Variants in HEATR5A observed in about 807,000 individuals in gnomAD.
The protein encoded by HEATR5A is HEAT repeat containing 5A.
Under a neutral mutation model 218.8 loss-of-function variants are expected in HEATR5A, and 178 were observed. That is an observed-to-expected ratio of 0.81 (90% CI 0.72 to 0.92). The LOEUF (loss-of-function observed/expected upper bound fraction) is 0.92, where lower values mean the gene tolerates loss of function less well. HEATR5A is among the 40% of genes least tolerant of loss of function. The pLI is 0.00. For missense variants in HEATR5A, 2,420 were observed against 2,418.9 expected (o/e 1.00, Z -0.01); for synonymous variants, 864 against 871.6 (o/e 0.99, Z 0.15).
At chr14:31,315,561 TA>T (rs1407705998) in intron 27 of HEATR5A, among the ~76,000 whole-genome samples, 2 of 152,170 alleles carry the variant, frequency 1.3e-5, no homozygotes, top group African/African-American at 2.4e-5. Context: ...TAGCACTGCT[TA>T]AAGTAGGAGA....
intron 22 of HEATR5A, among the ~76,000 whole-genome samples, chr14:31,332,429 C>T (rs974189807): frequency 1.3e-5 from 2 of 152,162 alleles, no homozygotes; most frequent in African/African-American, 4.8e-5. Context: ...ATGAATAACA[C>T]CGCAATGGCC....
At chr14:31,318,742 C>T (rs1899992728) in intron 25 of HEATR5A, among the ~76,000 whole-genome samples, 1 of 152,206 alleles carries the variant, frequency 6.6e-6, no homozygotes, top group African/African-American at 2.4e-5. Flanking sequence ...CAACTGCCTC[C>T]TCCCAAAGTG....
chr14:31,387,491 TC>T (rs2030276508), intron 7 of HEATR5A, 116 bp from the exon 8 acceptor site: 1 of 808,378 alleles, frequency 1.2e-6, no homozygotes, highest in Non-Finnish European at 1.9e-6. Flanking sequence ...TTGTATTCTT[TC>T]CTAATTTATG....
chr14:31,412,623 C>T (rs1259771821), intron 1 of HEATR5A, among the ~76,000 whole-genome samples: 1 of 152,078 alleles, frequency 6.6e-6, no homozygotes, highest in Non-Finnish European at 1.5e-5. Flanking sequence ...GGTGCAGTGG[C>T]TCACGCCTGT....
chr14:31,396,221 T>C (rs2030648315), intron 4 of HEATR5A, among the ~76,000 whole-genome samples: 1 of 152,046 alleles, frequency 6.6e-6, no homozygotes. Flanking sequence ...TCAGGAGTGT[T>C]AGTGCACATC....
chr14:31,305,737 CTG>C (rs1288944427), intron 31 of HEATR5A, among the ~76,000 whole-genome samples: 2 of 152,182 alleles, frequency 1.3e-5, no homozygotes, highest in African/African-American at 4.8e-5. Flanking sequence ...GCTGTTAAGA[CTG>C]TAAACCTGAT....
Position 31,347,787 on chromosome 14 carries a change from A to C in HEATR5A, c.2829T>G (p.Leu943=), listed in dbSNP as rs750180069. The C allele has an allele frequency of 2.5e-6, 4 of 1,612,136 alleles. No individual in the cohort carries two copies. The highest frequency in any genetic ancestry group is 3.4e-6 in the Non-Finnish European group (4 of 1,179,164). The change falls in exon 19 of 36, where the codon CTT becomes CTG. Residue 943 remains leucine, a synonymous_variant. Coordinates refer to ENST00000543095, the MANE Select transcript of HEATR5A (RefSeq NM_015473.4). ...AAGTGCTGTCCTGCGCCAAAGTATA[A>C]AGGATTCCAATACAAGAATTTAGGT... is the stretch of plus-strand genomic sequence containing the variant. ...SQHLNSCIGI[L]YTLAQDSTSP...
chr14:31,374,377 T>C (rs1902149809), intron 12 of HEATR5A, among the ~76,000 whole-genome samples: 1 of 151,744 alleles, frequency 6.6e-6, no homozygotes, highest in South Asian at 2.1e-4. Flanking sequence ...AGTAGGATAT[T>C]AGATACATTT....
At chr14:31,329,608 C>A (rs1042369276) in intron 22 of HEATR5A, among the ~76,000 whole-genome samples, 8 of 152,202 alleles carry the variant, frequency 5.3e-5, no homozygotes, top group Non-Finnish European at 4.4e-5. Context: ...GGGTATAGCC[C>A]CCTGCCCCAC....
intron 11 of HEATR5A, among the ~76,000 whole-genome samples, chr14:31,379,318 T>G (rs1160080828): frequency 1.3e-5 from 2 of 151,782 alleles, no homozygotes; most frequent in African/African-American, 4.8e-5. Flanking sequence ...TGGTGCAATC[T>G]CACTTCACTG....
At chr14:31,400,539 A>G in intron 2 of HEATR5A, 27 bp from the exon 3 acceptor site, 2 of 1,398,328 alleles carry the variant, frequency 1.4e-6, no homozygotes, top group Middle Eastern at 1.8e-4. Context: ...CACAAAGACA[A>G]TTCAAAGTCA....
At chr14:31,403,391 TG>T (rs767498343) in intron 1 of HEATR5A, among the ~76,000 whole-genome samples, 2 of 152,328 alleles carry the variant, frequency 1.3e-5, no homozygotes, top group East Asian at 3.9e-4. Context: ...CTTACTAAAA[TG>T]GGTAATAGGT....
intron 14 of HEATR5A, among the ~76,000 whole-genome samples, chr14:31,361,941 A>AATTT (rs55748961): frequency 0.084 from 12,569 of 149,394 alleles, 597 homozygotes; most frequent in Non-Finnish European, 0.11. Context: ...TAAAATCAGA[A>AATTT]ATTTATTTAT....
intron 16 of HEATR5A, among the ~76,000 whole-genome samples, chr14:31,358,337 A>G (rs1052306183): frequency 1.2e-4 from 18 of 152,180 alleles, no homozygotes; most frequent in Non-Finnish European, 2.4e-4. Context: ...GAAAAAACCT[A>G]GTATGTGTCT....
chr14:31,325,573 ATCTTGGC>A (rs2139172540), intron 23 of HEATR5A, among the ~76,000 whole-genome samples: 1 of 152,076 alleles, frequency 6.6e-6, no homozygotes, highest in Admixed American at 6.6e-5. Flanking sequence ...CAGTGGTGTG[ATCTTGGC>A]TCACTGCAAC....
At chr14:31,320,790 A>G (rs1595093941) in intron 25 of HEATR5A, among the ~76,000 whole-genome samples, 2 of 151,942 alleles carry the variant, frequency 1.3e-5, no homozygotes, top group Admixed American at 6.6e-5. Context: ...AGGTCTCCCT[A>G]TGATGCCCAG....
At chr14:31,304,856 A>T in intron 32 of HEATR5A, 49 bp downstream of exon 32, 1 of 1,584,128 alleles carries the variant, frequency 6.3e-7, no homozygotes, top group East Asian at 2.2e-5. Context: ...TATCTATTAA[A>T]ACCATTTCTC....
At chr14:31,410,704 A>G (rs1295753665) in intron 1 of HEATR5A, among the ~76,000 whole-genome samples, 3 of 152,244 alleles carry the variant, frequency 2.0e-5, no homozygotes. Flanking sequence ...TCTTTAACAC[A>G]GTTAAAACTT....
chr14:31,375,054 T>A, intron 11 of HEATR5A, 86 bp from the exon 12 acceptor site: 1 of 1,080,236 alleles, frequency 9.3e-7, no homozygotes. Context: ...ACTTCTCTCC[T>A]AAACATTTTA....
Sources: gnomAD v4.1 joint callset for allele counts (sites outside exome capture counted in the v4.1 genomes callset) on GRCh38, gnomAD v4.1.1 for gene constraint, MANE v1.5 for transcripts, NCBI Gene and HGNC (gene_info 2026-07-23, HGNC 2026-07-21) for gene names.